Variants in PIAS4 observed in about 807,000 individuals in gnomAD.
PIAS4 encodes the protein protein inhibitor of activated STAT 4, also known as E3 SUMO-protein ligase PIAS4.
PIAS4 carries 7 observed loss-of-function variants against 58.0 expected under a neutral mutation model. The ratio of observed to expected loss-of-function variants is 0.12; its 90% CI spans 0.07 to 0.23. PIAS4 has a LOEUF of 0.23. Among genes scored for constraint, PIAS4 ranks in the 10% least tolerant of loss-of-function variants. The pLI, the probability that PIAS4 is intolerant of heterozygous loss-of-function variation, is 1.00. For missense variants in PIAS4, 550 were observed against 709.5 expected (o/e 0.78, Z 2.55); for synonymous variants, 364 against 312.4 (o/e 1.17, Z -1.74).
chr19:4,020,876 C>T (rs2040103153), intron 2 of PIAS4, among the ~76,000 whole-genome samples: 1 of 152,260 alleles, frequency 6.6e-6, no homozygotes, highest in Admixed American at 6.5e-5. Context: ...GTTGGGGTTA[C>T]AGGCATGAGC....
intron 7 of PIAS4, among the ~76,000 whole-genome samples, chr19:4,031,201 C>T (rs749850995): frequency 3.3e-5 from 5 of 152,196 alleles, no homozygotes; most frequent in Non-Finnish European, 7.3e-5. Context: ...CCAAAGGGCA[C>T]CTCCTTGCCT....
rs189209303 is a variant in PIAS4 at position 4,037,660 on chromosome 19, G to A, written c.1318G>A (p.Gly440Arg). ...NGLLPAPSVN[G>R]SGALGSTGGG... The stretch of plus-strand genomic sequence containing the variant: ...GCTCCTGCCCGCCCCCAGCGTCAAC[G>A]GGAGCGGTGCCCTGGGCAGCACGGG... The change falls in exon 11 of 11, where the codon GGG becomes AGG. Residue 440 changes from glycine to arginine, a missense_variant. Gly to Arg is a moderately radical substitution (Grantham distance 125, BLOSUM62 -2). Transcript: ENST00000262971. The surrounding 1 kb of genome is among the most constrained non-coding windows in gnomAD (Gnocchi z 5.8). 2.5e-5 allele frequency: 40 copies of A among 1,612,026 alleles called. No homozygotes were observed. Among genetic ancestry groups the A allele is most frequent in the East Asian group, 1.3e-4 (6 of 44,876 alleles).
At chr19:4,022,708 T>A (rs1032557482) in intron 2 of PIAS4, among the ~76,000 whole-genome samples, 1 of 151,608 alleles carries the variant, frequency 6.6e-6, no homozygotes. Context: ...TTGGAAACAG[T>A]CTCACTCTGT....
At position 4,028,132 on chromosome 19, in the gene PIAS4, C is replaced by A; in HGVS notation, c.540-14C>A. 1 of 1,613,630 alleles carries A rather than the reference C, an allele frequency of 6.2e-7. No homozygotes were observed. The highest frequency in any genetic ancestry group is 8.5e-7 in the Non-Finnish European group (1 of 1,179,852). On this transcript the variant is annotated splice_polypyrimidine_tract_variant and intron_variant, in intron 3 of 10. Transcript: ENST00000262971. Reference sequence around the variant, plus strand: ...CTCTCCTTTCCTTTCCTCTGGTTTGCTCCACACCCACAGGGAACTGCAGCC... The same window carrying A: ...CTCTCCTTTCCTTTCCTCTGGTTTGATCCACACCCACAGGGAACTGCAGCC...
chr19:4,008,051 G>A (rs2039960085), intron 1 of PIAS4, among the ~76,000 whole-genome samples: 1 of 151,442 alleles, frequency 6.6e-6, no homozygotes, highest in Admixed American at 6.6e-5. Flanking sequence ...CACCCAGCCC[G>A]AGCCCTTAGG....
chr19:4,017,381 C>A (rs538138876), intron 2 of PIAS4, among the ~76,000 whole-genome samples: 1 of 152,336 alleles, frequency 6.6e-6, no homozygotes, highest in East Asian at 1.9e-4. Context: ...GGTCCCCCTC[C>A]CATGGCAGCC....
intron 1 of PIAS4, among the ~76,000 whole-genome samples, chr19:4,010,387 G>T (rs935658708): frequency 6.6e-6 from 1 of 152,222 alleles, no homozygotes; most frequent in Non-Finnish European, 1.5e-5. Flanking sequence ...ACCTGCCTTC[G>T]GCCAGTCTGC....
chr19:4,030,465 A>G (rs2040212986), intron 7 of PIAS4, among the ~76,000 whole-genome samples: 1 of 151,938 alleles, frequency 6.6e-6, no homozygotes, highest in African/African-American at 2.4e-5. Context: ...TAAAAATACA[A>G]AAAATTAGCC....
chr19:4,013,096 CAAG>C lies in PIAS4; in HGVS notation c.207_209del (p.Lys69del), dbSNP rs2040012894. 1.2e-6 allele frequency: 2 copies of C among 1,613,474 alleles called. No individual in the cohort carries two copies. The highest frequency in any genetic ancestry group is 1.7e-6 in the Non-Finnish European group (2 of 1,180,020). On this transcript the variant is annotated inframe_deletion, in exon 2 of 11. Transcript: ENST00000262971. The surrounding 1 kb of genome is among the most constrained non-coding windows in gnomAD (Gnocchi z 5.1). ...AGGAGCTGTACGAGACCCGCTACGC[CAAG>C]AAGAACTCGGAGCCTGCCCCACAGC...
Position 4,028,863 on chromosome 19 carries a change from G to T in PIAS4, c.801+15G>T, listed in dbSNP as rs766521713. ...ACTACGGCAAGGTGAGTGCGTGCCC[G>T]GGTGCCCACCCTGCCCCCCAACCCC... On this transcript the variant is annotated intron_variant, in intron 6 of 10. Coordinates refer to ENST00000262971, the MANE Select transcript of PIAS4 (RefSeq NM_015897.4). The T allele has an allele frequency of 6.2e-7, 1 of 1,613,126 alleles. No individual in the cohort carries two copies. The highest frequency in any genetic ancestry group is 8.5e-7 in the Non-Finnish European group (1 of 1,179,882).
At position 4,033,524 on chromosome 19, in the gene PIAS4, C is replaced by G. The variant is rs558572444; in HGVS notation, c.1086C>G (p.Thr362=). Residue 362 remains threonine, a synonymous_variant, in exon 9 of 11, where the codon ACC becomes ACG. Coordinates refer to ENST00000262971, the MANE Select transcript of PIAS4 (RefSeq NM_015897.4). ...FYLQMNEKKP[T]WMCPVCDKPA... ...TGCAGATGAACGAGAAGAAGCCCAC[C>G]TGGATGTGCCCCGTGTGCGACAAGC... 3 of 1,607,338 alleles carry G rather than the reference C, an allele frequency of 1.9e-6. No homozygotes were observed. The South Asian group carries it at 3.3e-5, about 18-fold the overall frequency.
chr19:4,030,550 C>CAGA lies in PIAS4; in HGVS notation c.907+1515_907+1517dup, dbSNP rs1430095228. Among the ~76,000 whole-genome samples, 12 of 151,196 alleles carry CAGA rather than the reference C, an allele frequency of 7.9e-5. No individual in the cohort carries two copies. In the East Asian group the frequency reaches 2.3e-3, roughly 29 times the overall value. ...AGGAGAATGGCGTGAACCCAGGAGGCAGAGCTTGCAGTGAGCGGAGATCGT... is the reference window on the plus strand; with the variant it reads ...AGGAGAATGGCGTGAACCCAGGAGGCAGAAGAGCTTGCAGTGAGCGGAGATCGT... On this transcript the variant is annotated intron_variant, in intron 7 of 10. Coordinates refer to ENST00000262971, the MANE Select transcript of PIAS4 (RefSeq NM_015897.4).
At chr19:4,008,702 A>G (rs188073067) in intron 1 of PIAS4, among the ~76,000 whole-genome samples, 101 of 152,248 alleles carry the variant, frequency 6.6e-4, no homozygotes, top group African/African-American at 2.3e-3. Flanking sequence ...GTGCAGCATC[A>G]GATACTGTCC....
At chr19:4,035,071 A>C (rs1251174272) in intron 9 of PIAS4, among the ~76,000 whole-genome samples, 2 of 152,182 alleles carry the variant, frequency 1.3e-5, no homozygotes, top group African/African-American at 4.8e-5. Flanking sequence ...GCAGTTTTGC[A>C]AGCAGGGAAG....
chr19:4,026,127 T>C (rs2040161661), intron 3 of PIAS4, among the ~76,000 whole-genome samples: 1 of 149,534 alleles, frequency 6.7e-6, no homozygotes, highest in Admixed American at 6.6e-5. Context: ...TTCTGGACAT[T>C]TCTTTTTCTT....
chr19:4,016,679 C>T (rs748845945), intron 2 of PIAS4, among the ~76,000 whole-genome samples: 31 of 152,114 alleles, frequency 2.0e-4, no homozygotes, highest in African/African-American at 6.3e-4. Flanking sequence ...AGTCCAGACC[C>T]GAGGGTGACT....
intron 9 of PIAS4, among the ~76,000 whole-genome samples, chr19:4,035,860 T>C: frequency 8.6e-6 from 1 of 116,294 alleles, no homozygotes; most frequent in East Asian, 2.6e-4. Context: ...ATCCATACAG[T>C]CCACACCGTC....
At chr19:4,028,226 C>A in intron 4 of PIAS4, 39 bp downstream of exon 4, 1 of 1,581,576 alleles carries the variant, frequency 6.3e-7, no homozygotes, top group South Asian at 1.1e-5. Flanking sequence ...GGCTGGACCC[C>A]CAGCCACCCG....
Position 4,024,021 on chromosome 19 carries a change from C to G in PIAS4, c.455-15C>G, listed in dbSNP as rs1346969481. The G allele has an allele frequency of 1.2e-5, 19 of 1,595,822 alleles. No homozygotes were observed. The highest frequency in any genetic ancestry group is 1.6e-5 in the Non-Finnish European group (19 of 1,163,154). ...CAGGGACCAGACATGCCCCTGACCC[C>G]GTGTTTGTCTTCAGTCCCACAGAAC... On this transcript the variant is annotated splice_polypyrimidine_tract_variant and intron_variant, in intron 2 of 10. Transcript: ENST00000262971.
Sources: gnomAD v4.1 joint callset for allele counts (sites outside exome capture counted in the v4.1 genomes callset) on GRCh38, gnomAD v4.1.1 for gene constraint, Gnocchi (gnomAD v3.1) non-coding constraint, MANE v1.5 for transcripts, NCBI Gene and HGNC (gene_info 2026-07-23, HGNC 2026-07-21) for gene names.